The following RPS2 variants were observed in gnomAD, a reference collection of about 807,000 sequenced individuals.
RPS2 encodes the protein small ribosomal subunit protein uS5.
Under a neutral mutation model 25.3 loss-of-function variants are expected in RPS2, and 8 were observed. That is an observed-to-expected ratio of 0.32 (90% CI 0.19 to 0.57). The LOEUF (loss-of-function observed/expected upper bound fraction) is 0.57, where lower values mean the gene tolerates loss of function less well. RPS2 is among the 20% of genes least tolerant of loss of function. The probability of loss-of-function intolerance (pLI) is 0.90; values close to 1 mark genes in which losing one functional copy is unlikely to be tolerated. For missense variants in RPS2, 229 were observed against 408.1 expected, an observed-to-expected ratio of 0.56 and a Z score of 3.78; for synonymous variants, 181 against 161.3, an observed-to-expected ratio of 1.12 and a Z score of -0.92.
Position 1,962,815 on chromosome 16 carries a change from A to G in RPS2, c.470T>C (p.Leu157Pro), listed in dbSNP as rs1246988614. The G allele has an allele frequency of 1.2e-6, 2 of 1,610,672 alleles. No individual in the cohort carries two copies. The highest frequency in any genetic ancestry group is 8.5e-7 in the Non-Finnish European group (1 of 1,179,684). The change falls in exon 5 of 7, where the codon CTG (leucine) becomes CCG (proline). Residue 157 changes from leucine to proline, a missense_variant. This residue lies in a region of RPS2 where 79 missense variants were observed against 159.0 expected (regional missense o/e 0.50). Coordinates refer to ENST00000343262, the MANE Select transcript of RPS2 (RefSeq NM_002952.4). ...CACGGGGACGATGGAGAGCTTGGCCAGGATGATGGCCCCACGGATGGCGGT... is the reference window on the plus strand; with the variant it reads ...CACGGGGACGATGGAGAGCTTGGCCGGGATGATGGCCCCACGGATGGCGGT... ...VATAIRGAII[L>P]AKLSIVPVRR...
chr16:1,963,564 C>G (rs114416186), intron 3 of RPS2: 2 of 356,140 alleles, frequency 5.6e-6, no homozygotes, highest in South Asian at 4.4e-5. Flanking sequence ...TGCAGTGAGC[C>G]GAGATCACGC....
At chr16:1,962,682 G>T in intron 5 of RPS2, 26 bp from the exon 6 acceptor site, 1 of 1,584,306 alleles carries the variant, frequency 6.3e-7, no homozygotes, top group East Asian at 2.3e-5. Context: ...GTCAGGAGAC[G>T]GGGGCCCGAG....
rs779334095 is a variant in RPS2 at position 1,964,652 on chromosome 16, C to G, written c.-3-24G>C. On this transcript the variant is annotated intron_variant, in intron 1 of 6. Coordinates refer to ENST00000343262, the MANE Select transcript of RPS2 (RefSeq NM_002952.4). ...TGCTGGGAAAAGCGACAAGAAGGAA[C>G]TAGTCAGTGTGGCCTACGCATCTGG... 14 of 1,267,120 alleles carry G rather than the reference C, an allele frequency of 1.1e-5. No individual in the cohort carries two copies. In the Admixed American group the frequency reaches 3.1e-4, roughly 28 times the overall value. The allele number at this position is 1,267,120 out of a possible 1,614,324, so 78.5% of individuals were successfully genotyped here.
chr16:1,963,320 C>T (rs952156624), intron 3 of RPS2, 64 bp from the exon 4 acceptor site: 1 of 1,093,936 alleles, frequency 9.1e-7, no homozygotes, highest in Admixed American at 2.5e-5. Flanking sequence ...TTATGATATT[C>T]AAGAACCAAA....
intron 6 of RPS2, 49 bp from the exon 7 acceptor site, chr16:1,962,319 G>C: frequency 6.4e-7 from 1 of 1,560,708 alleles, no homozygotes; most frequent in Non-Finnish European, 8.8e-7. Context: ...CTTGAGGCAA[G>C]TCCCCCAACC....
intron 3 of RPS2, chr16:1,963,805 T>G (rs1224233721): frequency 4.4e-6 from 2 of 458,422 alleles, no homozygotes; most frequent in East Asian, 1.4e-4. Flanking sequence ...TTTTGCTTTG[T>G]CCAGCTTTGG....
intron 2 of RPS2, 37 bp from the exon 3 acceptor site, chr16:1,964,402 C>A: frequency 5.6e-6 from 9 of 1,613,070 alleles, no homozygotes; most frequent in Admixed American, 1.7e-5. Flanking sequence ...CAGGACCGCT[C>A]TCCGGCGCCG....
chr16:1,962,694 G>C (rs374321480), intron 5 of RPS2, 38 bp from the exon 6 acceptor site: 3 of 1,588,080 alleles, frequency 1.9e-6, no homozygotes, highest in South Asian at 2.2e-5. Flanking sequence ...GGGCCCGAGG[G>C]AGCCTGCCCC....
intron 3 of RPS2, chr16:1,963,985 C>T (rs1327249912): frequency 4.4e-6 from 2 of 450,780 alleles, no homozygotes; most frequent in Non-Finnish European, 4.1e-6. Context: ...CTTCATCATC[C>T]TCTCGGATGG....
intron 3 of RPS2, chr16:1,963,676 CTTCGT>C (rs2083279357): frequency 1.5e-5 from 6 of 394,672 alleles, no homozygotes; most frequent in Admixed American, 1.5e-4. Flanking sequence ...GATCTGTCCC[CTTCGT>C]TTCGTTTTTG....
At position 1,963,094 on chromosome 16, in the gene RPS2, G is replaced by A. The variant is rs761750993; in HGVS notation, c.375+55C>T. The A allele has an allele frequency of 2.8e-6, 4 of 1,443,996 alleles. No individual in the cohort carries two copies. The Admixed American group carries it at 5.0e-5, about 18-fold the overall frequency. 89.4% of individuals were successfully genotyped at this position (1,443,996 alleles called of 1,614,324 possible). ...GGGTGAAGCCAAGTGCAACTATGCA[G>A]AGCCGAGAGAGTCCCGGCAAGCCCA... On this transcript the variant is annotated intron_variant, in intron 4 of 6. Transcript: ENST00000343262.
chr16:1,964,818 G>A lies in RPS2; in HGVS notation c.-15C>T, dbSNP rs761131248. ...CCAACAGGACTCACGTGTTTTGTCG[G>A]AAAAGAAGAACGAGACCTACTGGGA... On this transcript the variant is annotated 5_prime_UTR_variant, in exon 1 of 7. Coordinates refer to ENST00000343262, the MANE Select transcript of RPS2 (RefSeq NM_002952.4). 9 of 537,132 alleles carry A rather than the reference G, an allele frequency of 1.7e-5. No homozygotes were observed. Among genetic ancestry groups the A allele is most frequent in the Non-Finnish European group, 2.9e-5 (9 of 309,146 alleles). 33.3% of individuals were successfully genotyped at this position (537,132 alleles called of 1,614,324 possible).
In RPS2 at chr16:1,963,657, C is replaced by T. The variant is rs1365601200; in HGVS notation, c.268-401G>A. 4.6e-5 allele frequency: 16 copies of T among 348,440 alleles called. No homozygotes were observed. The East Asian group carries it at 4.6e-4, about 10-fold the overall frequency. The allele number at this position is 348,440 out of a possible 1,614,324, so 21.6% of individuals were successfully genotyped here. On this transcript the variant is annotated intron_variant, in intron 3 of 6. Coordinates refer to ENST00000343262, the MANE Select transcript of RPS2 (RefSeq NM_002952.4). ...AGAAGTCATGAACCCCCTCACCTGGCTTCCCCCCGATCTGTCCCCTTCGTT... is the reference window on the plus strand; with the variant it reads ...AGAAGTCATGAACCCCCTCACCTGGTTTCCCCCCGATCTGTCCCCTTCGTT...
chr16:1,962,080 T>C lies in RPS2; in HGVS notation c.*18A>G. The C allele has an allele frequency of 6.5e-7, 1 of 1,534,592 alleles. No homozygotes were observed. The highest frequency in any genetic ancestry group is 2.3e-5 in the East Asian group (1 of 44,384). On this transcript the variant is annotated 3_prime_UTR_variant, in exon 7 of 7. Coordinates refer to ENST00000343262, the MANE Select transcript of RPS2 (RefSeq NM_002952.4). Reference sequence around the variant, plus strand: ...CAGTAACACGCTTAATTCACTTTATTTTTCTTGTATAAAAACCCTATGTTG... The same window carrying C: ...CAGTAACACGCTTAATTCACTTTATCTTTCTTGTATAAAAACCCTATGTTG...
chr16:1,962,923 T>G lies in RPS2; in HGVS notation c.376-14A>C, dbSNP rs1344552016. 6.3e-7 allele frequency: 1 copy of G among 1,597,398 alleles called. No individual in the cohort carries two copies. The highest frequency in any genetic ancestry group is 1.7e-5 in the Admixed American group (1 of 59,944). On this transcript the variant is annotated splice_polypyrimidine_tract_variant and intron_variant, in intron 4 of 6. Coordinates refer to ENST00000343262, the MANE Select transcript of RPS2 (RefSeq NM_002952.4). ...AGCAACAAATGCCTGCGAAAAGATG[T>G]GTGTGAGGCAGCTGGTGGCCCTACA...
At chr16:1,962,452 C>T (rs140724499) in intron 6 of RPS2, 45 bp downstream of exon 6, 24,511 of 1,580,876 alleles carry the variant, frequency 0.016, 272 homozygotes, top group Non-Finnish European at 0.018. Flanking sequence ...TGTGGTTAAG[C>T]GGAGCTGAGA....
intron 1 of RPS2, 32 bp downstream of exon 1, chr16:1,964,775 A>G (rs1362261214): frequency 5.4e-6 from 3 of 555,628 alleles, no homozygotes; most frequent in Non-Finnish European, 9.4e-6. Context: ...CCGCCCACGC[A>G]GAGGCCCGCT....
At chr16:1,964,063 G>T (rs908864421) in intron 3 of RPS2, 70 of 579,224 alleles carry the variant, frequency 1.2e-4, no homozygotes, top group African/African-American at 1.1e-3. Context: ...GGGAAGATGC[G>T]CTGAAATGCC....
intron 6 of RPS2, 76 bp from the exon 7 acceptor site, chr16:1,962,346 C>A (rs746035816): frequency 4.1e-6 from 6 of 1,446,120 alleles, no homozygotes; most frequent in Non-Finnish European, 5.8e-6. Flanking sequence ...TTGTCGCACT[C>A]CTAGGAACAG....
Sources: gnomAD v4.1 joint callset for allele counts on GRCh38, gnomAD v4.1.1 for gene constraint, gnomAD v4.1.1 regional missense constraint, MANE v1.5 for transcripts, NCBI Gene and HGNC (gene_info 2026-07-23, HGNC 2026-07-21) for gene names.